Variants in CEP44 observed in about 807,000 individuals in gnomAD.
The protein encoded by CEP44 is centrosomal protein 44.
CEP44 carries 45 observed loss-of-function variants against 46.7 expected under a neutral mutation model. The observed-to-expected ratio is 0.96, with a 90% CI of 0.76 to 1.24. CEP44 has a LOEUF of 1.24. Among genes scored for constraint, CEP44 ranks in the 50% most tolerant of loss-of-function variants. The pLI is 0.00. For synonymous variants in CEP44, 142 were observed against 146.0 expected, an observed-to-expected ratio of 0.97 and a Z score of 0.20; for missense variants, 475 against 459.7, an observed-to-expected ratio of 1.03 and a Z score of -0.30.
At chr4:174,284,134 C>G (rs1579047206) in intron 1 of CEP44, 191 bp downstream of exon 1, 1 of 398,908 alleles carries the variant, frequency 2.5e-6, no homozygotes, top group Non-Finnish European at 4.4e-6. Context: ...TTGCTGGTGG[C>G]TGCTTGGTGA....
At chr4:174,316,890 T>G (rs984464568) in intron 11 of CEP44, among the ~76,000 whole-genome samples, 2 of 152,282 alleles carry the variant, frequency 1.3e-5, no homozygotes, top group Non-Finnish European at 1.5e-5. Flanking sequence ...TATCAAAATA[T>G]TAAATAATAT....
At chr4:174,324,340 A>C (rs1742517508), downstream of CEP44, among the ~76,000 whole-genome samples, 1 of 152,082 alleles carries the variant, frequency 6.6e-6, no homozygotes, top group Non-Finnish European at 1.5e-5. Flanking sequence ...CCATTTTATA[A>C]ATCTGCTATG....
downstream of CEP44, among the ~76,000 whole-genome samples, chr4:174,323,094 G>A (rs1227345350): frequency 1.6e-4 from 24 of 151,652 alleles, no homozygotes; most frequent in Admixed American, 1.6e-3. Context: ...GGCATACAAG[G>A]TATTAAAAAA....
In CEP44 at chr4:174,304,325, G is replaced by A. The variant is rs770856090; in HGVS notation, c.463G>A (p.Ala155Thr). The A allele has an allele frequency of 3.7e-6, 6 of 1,611,596 alleles. No individual in the cohort carries two copies. The African/African-American group carries it at 4.0e-5, about 11-fold the overall frequency. ...GGGCAATGAGAAAATATCTGCAGAG[G>A]CTGTTGGCGTTGATATCAGTGGCAG... Reference protein sequence around the residue: ...PLGNEKISAEAVGVDISGRFM... With the variant: ...PLGNEKISAETVGVDISGRFM... The change falls in exon 6 of 12, where the codon GCT becomes ACT. Residue 155 changes from alanine (A) to threonine (T), a missense_variant. By Grantham distance (58) the Ala-to-Thr change is moderately conservative. Coordinates refer to ENST00000503780, the MANE Select transcript of CEP44 (RefSeq NM_001040157.3).
At position 174,329,730 on chromosome 4, in the gene CEP44, T is replaced by TA. The variant is rs1731214263; in HGVS notation, c.1087-1745dup. On this transcript the variant is annotated intron_variant, in intron 8 of 8. Transcript: ENST00000426172. The surrounding 1 kb of genome is among the most constrained non-coding windows in gnomAD (Gnocchi z 4.0). ...GGATTATGTTCTTCTCTAATTTAGT[T>TA]AAAAAAATATTAATGAATATATGTT... is the stretch of plus-strand genomic sequence containing the variant. Among the ~76,000 whole-genome samples, 1 of 152,076 alleles carries TA rather than the reference T, an allele frequency of 6.6e-6. No homozygotes were observed. The highest frequency in any genetic ancestry group is 1.5e-5 in the Non-Finnish European group (1 of 67,986).
At chr4:174,304,211 A>C in intron 5 of CEP44, 36 bp from the exon 6 acceptor site, 2 of 1,559,266 alleles carry the variant, frequency 1.3e-6, no homozygotes, top group Non-Finnish European at 1.7e-6. Context: ...GCTTTCACAC[A>C]AAATTTGTTA....
At position 174,286,481 on chromosome 4, in the gene CEP44, G is replaced by C. The variant is rs12650503; in HGVS notation, c.-148+2538G>C. On this transcript the variant is annotated intron_variant, in intron 1 of 11. Transcript: ENST00000503780. This position sits in a 1 kb window ranked among gnomAD's most constrained non-coding sequence, Gnocchi z 5.2. ...TTTTAAAGGAGCTTCATTCTCAAAG[G>C]GTTCATTACTCAAGGTATTGTTATG... Among the ~76,000 whole-genome samples, 8,510 of 152,080 alleles carry C rather than the reference G, an allele frequency of 0.056. 388 individuals carry two copies. The highest frequency in any genetic ancestry group is 0.16 in the East Asian group (834 of 5,176).
intron 4 of CEP44, among the ~76,000 whole-genome samples, chr4:174,302,473 T>G (rs1283832589): frequency 2.0e-5 from 3 of 152,252 alleles, no homozygotes; most frequent in Non-Finnish European, 4.4e-5. Context: ...CTGGCAGAAA[T>G]TAGAGAGTAA....
At position 174,318,735 on chromosome 4, in the gene CEP44, AT is replaced by A. The variant is rs1742009051; in HGVS notation, c.*1360del. The A allele has an allele frequency of 6.9e-5, 54 of 784,882 alleles. No homozygotes were observed. The highest frequency in any genetic ancestry group is 8.0e-5 in the Non-Finnish European group (52 of 648,454). The allele number at this position is 784,882 out of a possible 1,614,324, so 48.6% of individuals were successfully genotyped here. ...TGTTATATGAGTAGAAATCACTTAAATTTTTTTTGTGTTTGTGAATTTGAAA... is the reference window on the plus strand; with the variant it reads ...TGTTATATGAGTAGAAATCACTTAAATTTTTTTGTGTTTGTGAATTTGAAA... On this transcript the variant is annotated 3_prime_UTR_variant, in exon 12 of 12. Coordinates refer to ENST00000503780, the MANE Select transcript of CEP44 (RefSeq NM_001040157.3).
Position 174,329,424 on chromosome 4 carries a change from G to A in CEP44, c.1087-2058G>A, listed in dbSNP as rs2126705978. ...TGTTAGCACTTTCCCTCTTAGTACA[G>A]TTTTAAGTTGGTTTTACATTGTAAA... is the stretch of plus-strand genomic sequence containing the variant. On this transcript the variant is annotated intron_variant, in intron 8 of 8. Coordinates refer to the CEP44 transcript ENST00000426172. The surrounding 1 kb of genome is among the most constrained non-coding windows in gnomAD (Gnocchi z 4.0). Among the ~76,000 whole-genome samples the A allele has an allele frequency of 6.6e-6, 1 of 152,186 alleles. No homozygotes were observed. Among genetic ancestry groups the A allele is most frequent in the Admixed American group, 6.5e-5 (1 of 15,282 alleles).
chr4:174,328,003 A>G (rs972274608), intron 8 of CEP44, among the ~76,000 whole-genome samples: 1 of 152,190 alleles, frequency 6.6e-6, no homozygotes, highest in Non-Finnish European at 1.5e-5. Context: ...AAATGCACAA[A>G]CCATAAGAGA....
In CEP44 at chr4:174,331,986, T is replaced by A; in HGVS notation, c.*391T>A. On this transcript the variant is annotated 3_prime_UTR_variant, in exon 9 of 9. Transcript: ENST00000426172. The surrounding 1 kb of genome is among the most constrained non-coding windows in gnomAD (Gnocchi z 4.5). ...ATCGGCTCTAGAAAATGCATAAGGT[T>A]AGTACAAGATCAGTAGAGAGAAAGT... The A allele has an allele frequency of 1.2e-5, 2 of 165,354 alleles. No individual in the cohort carries two copies. The allele number at this position is 165,354 out of a possible 1,614,324, so 10.2% of individuals were successfully genotyped here.
chr4:174,292,006 G>T (rs1055467458), intron 1 of CEP44, among the ~76,000 whole-genome samples: 11 of 151,590 alleles, frequency 7.3e-5, no homozygotes, highest in Non-Finnish European at 7.4e-5. Flanking sequence ...TGCCAGGGTG[G>T]TCTTGAACTC....
At position 174,317,787 on chromosome 4, in the gene CEP44, C is replaced by T. The variant is rs1741902195; in HGVS notation, c.*404C>T. Reference sequence around the variant, plus strand: ...TTGTGTATTATACCCAGGAGGCTCTCATATATACCATCTTGGCATCTGTAC... The same window carrying T: ...TTGTGTATTATACCCAGGAGGCTCTTATATATACCATCTTGGCATCTGTAC... On this transcript the variant is annotated 3_prime_UTR_variant, in exon 12 of 12. Coordinates refer to ENST00000503780, the MANE Select transcript of CEP44 (RefSeq NM_001040157.3). The T allele has an allele frequency of 2.0e-6, 2 of 986,606 alleles. No homozygotes were observed. Among genetic ancestry groups the T allele is most frequent in the Non-Finnish European group, 2.4e-6 (2 of 830,486 alleles). 61.1% of individuals were successfully genotyped at this position (986,606 alleles called of 1,614,324 possible). A position where few individuals can be genotyped will look rare whatever the true frequency, so the allele number is the denominator to read the frequency against.
At chr4:174,316,676 A>G (rs1347859624) in intron 11 of CEP44, 109 bp downstream of exon 11, 24 of 1,003,366 alleles carry the variant, frequency 2.4e-5, no homozygotes, top group Middle Eastern at 2.2e-4. Flanking sequence ...AGGTCTCTCA[A>G]TCAGGTGTGG....
At chr4:174,322,403 A>G (rs889971911), downstream of CEP44, among the ~76,000 whole-genome samples, 1 of 151,898 alleles carries the variant, frequency 6.6e-6, no homozygotes, top group African/African-American at 2.4e-5. Context: ...GTAGAATTCT[A>G]CTCATCATAG....
In CEP44 at chr4:174,297,504, A is replaced by G. The variant is rs1388358757; in HGVS notation, c.-147-462A>G. Reference sequence around the variant, plus strand: ...TATTGGGCAAGACCTGCCCTTTTCAATGGGGATTTTCCTCAAATGTCAGAA... The same window carrying G: ...TATTGGGCAAGACCTGCCCTTTTCAGTGGGGATTTTCCTCAAATGTCAGAA... On this transcript the variant is annotated intron_variant, in intron 1 of 11. Coordinates refer to ENST00000503780, the MANE Select transcript of CEP44 (RefSeq NM_001040157.3). The surrounding 1 kb of genome is among the most constrained non-coding windows in gnomAD (Gnocchi z 4.3). Among the ~76,000 whole-genome samples the G allele has an allele frequency of 6.6e-6, 1 of 152,112 alleles. No homozygotes were observed. Among genetic ancestry groups the G allele is most frequent in the African/African-American group, 2.4e-5 (1 of 41,438 alleles).
chr4:174,322,818 T>C (rs912190758), downstream of CEP44, among the ~76,000 whole-genome samples: 3 of 152,222 alleles, frequency 2.0e-5, no homozygotes, highest in Non-Finnish European at 4.4e-5. Context: ...ACTTTATTGT[T>C]ATACTACATT....
rs971112895 is a variant in CEP44, at chr4:174,287,480, G to T, written c.-148+3537G>T. On this transcript the variant is annotated intron_variant, in intron 1 of 11. Coordinates refer to ENST00000503780, the MANE Select transcript of CEP44 (RefSeq NM_001040157.3). The surrounding 1 kb of genome is among the most constrained non-coding windows in gnomAD (Gnocchi z 5.1). ...GTATCTCTTCAAGCTTGAAGAAATG[G>T]CATGTGCAAAGGTGTTGAACAGCTT... Among the ~76,000 whole-genome samples, 3 of 152,100 alleles carry T rather than the reference G, an allele frequency of 2.0e-5. No individual in the cohort carries two copies. The highest frequency in any genetic ancestry group is 7.2e-5 in the African/African-American group (3 of 41,404).
Sources: gnomAD v4.1 joint callset for allele counts (sites outside exome capture counted in the v4.1 genomes callset) on GRCh38, gnomAD v4.1.1 for gene constraint, Gnocchi (gnomAD v3.1) non-coding constraint, MANE v1.5 for transcripts, NCBI Gene and HGNC (gene_info 2026-07-23, HGNC 2026-07-21) for gene names.